GNAL: variants seen among roughly 807,000 people sequenced by gnomAD.
The protein encoded by GNAL is G protein subunit alpha L, also known as guanine nucleotide-binding protein G(olf) subunit alpha.
Under a neutral mutation model 55.1 loss-of-function variants are expected in GNAL, and 18 were observed. The ratio of observed to expected loss-of-function variants is 0.33; its 90% CI spans 0.23 to 0.48. GNAL has a LOEUF of 0.48. Among genes scored for constraint, GNAL ranks in the 20% least tolerant of loss-of-function variants. The pLI is 0.99. For missense variants in GNAL, 412 were observed against 614.1 expected (o/e 0.67, Z 3.48); for synonymous variants, 253 against 237.0 (o/e 1.07, Z -0.62).
chr18:11,806,830 CAT>C (rs941665013), intron 4 of GNAL, among the ~76,000 whole-genome samples: 3 of 150,810 alleles, frequency 2.0e-5, no homozygotes, highest in African/African-American at 7.3e-5. Context: ...TAGGTGAGAA[CAT>C]GTGTTATTTG....
At chr18:11,726,706 T>G (rs561141553) in intron 1 of GNAL, among the ~76,000 whole-genome samples, 1 of 152,308 alleles carries the variant, frequency 6.6e-6, no homozygotes, top group African/African-American at 2.4e-5. Flanking sequence ...TACCCTCCCA[T>G]GCCTGAATCA....
At chr18:11,842,899 A>C (rs145075950) in intron 5 of GNAL, among the ~76,000 whole-genome samples, 1 of 152,258 alleles carries the variant, frequency 6.6e-6, no homozygotes, top group African/African-American at 2.4e-5. Flanking sequence ...ACTGTTGACT[A>C]TTTGATTGTT....
chr18:11,758,134 A>C (rs1598433348), intron 4 of GNAL, among the ~76,000 whole-genome samples: 1 of 152,204 alleles, frequency 6.6e-6, no homozygotes, highest in African/African-American at 2.4e-5. Context: ...GTATGGCAGG[A>C]GTCCAGTCCT....
At chr18:11,854,926 TTTG>T (rs1460198223) in intron 5 of GNAL, among the ~76,000 whole-genome samples, 1 of 152,196 alleles carries the variant, frequency 6.6e-6, no homozygotes, top group Non-Finnish European at 1.5e-5. Flanking sequence ...CTGGCTTATT[TTTG>T]TTGTTGCTGT....
At chr18:11,761,031 A>G (rs2033224165) in intron 4 of GNAL, among the ~76,000 whole-genome samples, 1 of 152,172 alleles carries the variant, frequency 6.6e-6, no homozygotes. Flanking sequence ...TGCTGGAGGA[A>G]GTGGAGCAGA....
intron 5 of GNAL, among the ~76,000 whole-genome samples, chr18:11,858,961 G>A (rs759675553): frequency 6.6e-5 from 10 of 152,090 alleles, no homozygotes; most frequent in East Asian, 1.9e-4. Flanking sequence ...GCACTCACAC[G>A]TCCTCTCATC....
rs932903368 is a variant in GNAL at position 11,884,778 on chromosome 18, G to C, written c.*3643G>C. 37 of 1,340,510 alleles carry C rather than the reference G, an allele frequency of 2.8e-5. No individual in the cohort carries two copies. The highest frequency in any genetic ancestry group is 3.4e-5 in the Non-Finnish European group (34 of 1,011,100). The allele number at this position is 1,340,510 out of a possible 1,614,324, so 83.0% of individuals were successfully genotyped here. ...CCTCACCTGAGACCAAGGGGGCCCA[G>C]CCTTCTCCCTGCACAGCTCACCCCC... On this transcript the variant is annotated 3_prime_UTR_variant, in exon 12 of 12. Coordinates refer to ENST00000334049, the MANE Select transcript of GNAL (RefSeq NM_182978.4).
intron 4 of GNAL, among the ~76,000 whole-genome samples, chr18:11,798,132 C>T (rs2034437763): frequency 6.6e-6 from 1 of 152,160 alleles, no homozygotes; most frequent in Non-Finnish European, 1.5e-5. Context: ...ACTCTGGAGG[C>T]TGAGGCAGGA....
intron 5 of GNAL, among the ~76,000 whole-genome samples, chr18:11,832,405 A>G (rs939855687): frequency 2.0e-5 from 3 of 152,188 alleles, no homozygotes; most frequent in African/African-American, 7.2e-5. Context: ...GTTTTCTGTC[A>G]TCTTTCAGGA....
Position 11,730,377 on chromosome 18 carries a change from C to A in GNAL, c.377-22476C>A, listed in dbSNP as rs557760145. Among the ~76,000 whole-genome samples, 10 of 151,384 alleles carry A rather than the reference C, an allele frequency of 6.6e-5. No homozygotes were observed. In the South Asian group the frequency reaches 2.1e-3, roughly 32 times the overall value. On this transcript the variant is annotated intron_variant, in intron 1 of 11. Coordinates refer to ENST00000334049, the MANE Select transcript of GNAL (RefSeq NM_182978.4). ...GTTTCCCCACGTTGGCCACGCTGGT[C>A]TCGAACTCCTGATCTCAGGTAATCT... is the stretch of plus-strand genomic sequence containing the variant.
chr18:11,806,270 T>A (rs2034658139), intron 4 of GNAL, among the ~76,000 whole-genome samples: 2 of 152,230 alleles, frequency 1.3e-5, no homozygotes, highest in African/African-American at 2.4e-5. Context: ...AGTTTGCAGA[T>A]ATTTTCACTC....
chr18:11,866,606 G>A lies in GNAL; in HGVS notation c.852-562G>A, dbSNP rs530592817. On this transcript the variant is annotated intron_variant, in intron 7 of 11. Transcript: ENST00000334049. ...TGAGCGAGACCGGGAAGCAGCTCGGGCTGGGCAGAGCAGCCTGCACTGAAT... is the reference window on the plus strand; with the variant it reads ...TGAGCGAGACCGGGAAGCAGCTCGGACTGGGCAGAGCAGCCTGCACTGAAT... 1.9e-4 allele frequency among the ~76,000 whole-genome samples: 29 copies of A among 150,518 alleles called. 2 individuals carry two copies. The highest frequency in any genetic ancestry group is 7.3e-4 in the African/African-American group (29 of 39,794).
At chr18:11,750,808 G>A (rs555651394) in intron 1 of GNAL, among the ~76,000 whole-genome samples, 318 of 152,246 alleles carry the variant, frequency 2.1e-3, no homozygotes, top group Non-Finnish European at 3.4e-3. Flanking sequence ...AACAAGGGGC[G>A]TGAGATGAAA....
At chr18:11,700,637 G>A (rs2031544335) in intron 1 of GNAL, among the ~76,000 whole-genome samples, 2 of 152,230 alleles carry the variant, frequency 1.3e-5, no homozygotes, top group African/African-American at 4.8e-5. Context: ...ATGTTATTTA[G>A]TGAGAGGCAG....
At position 11,884,927 on chromosome 18, in the gene GNAL, G is replaced by T. The variant is rs1417648751; in HGVS notation, c.*3792G>T. ...ACTGGGTTCCCATCAAATATAGTGG[G>T]GGATCCATAACAGAGATTCAGAGAG... On this transcript the variant is annotated 3_prime_UTR_variant, in exon 12 of 12. Coordinates refer to ENST00000334049, the MANE Select transcript of GNAL (RefSeq NM_182978.4). 9.3e-6 allele frequency: 12 copies of T among 1,289,384 alleles called. No individual in the cohort carries two copies. Among genetic ancestry groups the T allele is most frequent in the Non-Finnish European group, 1.2e-5 (12 of 1,000,888 alleles). The allele number at this position is 1,289,384 out of a possible 1,614,324, so 79.9% of individuals were successfully genotyped here. A position where few individuals can be genotyped will look rare whatever the true frequency, so the allele number is the denominator to read the frequency against.
chr18:11,850,966 C>T lies in GNAL; in HGVS notation c.723-11429C>T, dbSNP rs190902311. 1.6e-4 allele frequency among the ~76,000 whole-genome samples: 25 copies of T among 152,296 alleles called. No homozygotes were observed. In the East Asian group the frequency reaches 4.4e-3, roughly 27 times the overall value. ...TTTAATGTATCCATGGTTTCCAGTT[C>T]CCCTGAGAAAGTGGAAATTACCCAT... On this transcript the variant is annotated intron_variant, in intron 5 of 11. Coordinates refer to ENST00000334049, the MANE Select transcript of GNAL (RefSeq NM_182978.4).
chr18:11,711,374 T>C (rs1183380550), intron 1 of GNAL, among the ~76,000 whole-genome samples: 6 of 152,308 alleles, frequency 3.9e-5, no homozygotes, highest in African/African-American at 1.4e-4. Flanking sequence ...TATAACTTCC[T>C]TAGGCTATCT....
intron 4 of GNAL, among the ~76,000 whole-genome samples, chr18:11,775,064 G>C (rs116958941): frequency 2.1e-3 from 323 of 152,318 alleles, no homozygotes; most frequent in Admixed American, 3.8e-3. Flanking sequence ...GTGCGAGGCA[G>C]AGAGTCCTGC....
rs640519 is a variant in GNAL, at chr18:11,882,677, C to T, written c.*1542C>T. On this transcript the variant is annotated 3_prime_UTR_variant, in exon 12 of 12. Transcript: ENST00000334049. ...CTCCAGCCTGGACATCAAAGTGAGA[C>T]TCAGGCCAAAAAAAAAAAAAAAAAA... 1 of 136,096 alleles carries T rather than the reference C, an allele frequency of 7.3e-6. No homozygotes were observed. The highest frequency in any genetic ancestry group is 2.9e-5 in the African/African-American group (1 of 34,922). The allele number at this position is 136,096 out of a possible 1,614,324, so 8.4% of individuals were successfully genotyped here.
Sources: allele counts gnomAD v4.1 joint callset (sites outside exome capture counted in the v4.1 genomes callset), GRCh38; gene constraint gnomAD v4.1.1; transcripts MANE v1.5; gene names NCBI Gene and HGNC (gene_info 2026-07-23, HGNC 2026-07-21).